The following SYNM variants were observed in gnomAD, a reference collection of about 807,000 sequenced individuals.
SYNM encodes synemin, also known as desmuslin.
SYNM carries 95 observed loss-of-function variants against 104.0 expected under a neutral mutation model. The observed-to-expected ratio is 0.91, with a 90% CI of 0.77 to 1.08. The LOEUF (loss-of-function observed/expected upper bound fraction) is 1.08. SYNM is among the 50% of genes least tolerant of loss of function. SYNM has a pLI of 0.00. For missense variants in SYNM, 2,150 were observed against 2,052.2 expected, an observed-to-expected ratio of 1.05 and a Z score of -0.92; for synonymous variants, 918 against 869.0, an observed-to-expected ratio of 1.06 and a Z score of -0.99.
downstream of SYNM, chr15:99,139,849 G>T: frequency 1.1e-6 from 1 of 922,658 alleles, no homozygotes; most frequent in Non-Finnish European, 1.5e-6. Context: ...CAATGTCTTA[G>T]TTATTAGGAA....
rs541175392 is a variant in SYNM at position 99,106,070 on chromosome 15, C to G, written c.810+61C>G. ...CGCTGCCGTCGCCCCAGCACCCTGCCCTTGACGGCGTGGGGCAGCGGCCCC... is the reference window on the plus strand; with the variant it reads ...CGCTGCCGTCGCCCCAGCACCCTGCGCTTGACGGCGTGGGGCAGCGGCCCC... On this transcript the variant is annotated intron_variant, in intron 1 of 3. Transcript: ENST00000336292. 9 of 1,349,366 alleles carry G rather than the reference C, an allele frequency of 6.7e-6. No individual in the cohort carries two copies. In the African/African-American group the frequency reaches 1.2e-4, roughly 18 times the overall value. The allele number at this position is 1,349,366 out of a possible 1,614,324, so 83.6% of individuals were successfully genotyped here. A position where few individuals can be genotyped will look rare whatever the true frequency, so the allele number is the denominator to read the frequency against.
intron 2 of SYNM, among the ~76,000 whole-genome samples, chr15:99,114,884 G>A (rs782110342): frequency 2.6e-5 from 4 of 152,118 alleles, no homozygotes; most frequent in Non-Finnish European, 2.9e-5. Flanking sequence ...GGTCTGTGAC[G>A]CTTACAGTGG....
chr15:99,133,237 A>T lies in SYNM; in HGVS notation c.*179A>T. 7.6e-7 allele frequency: 1 copy of T among 1,319,620 alleles called. No individual in the cohort carries two copies. The highest frequency in any genetic ancestry group is 1.0e-6 in the Non-Finnish European group (1 of 1,000,782). The allele number at this position is 1,319,620 out of a possible 1,614,324, so 81.7% of individuals were successfully genotyped here. ...GTTAATCCGTAAAGGTTTCCAGTTA[A>T]TTCATGCCTTAAAAGGCACTGCAAT... On this transcript the variant is annotated 3_prime_UTR_variant, in exon 4 of 4. Transcript: ENST00000336292.
At position 99,131,738 on chromosome 15, in the gene SYNM, C is replaced by T. The variant is rs374811600; in HGVS notation, c.3378C>T (p.His1126=). ...VLEDVSQAAR[H]IKLGPSEVWR... is the part of the protein sequence containing the mutation. ...AGGATGTGAGCCAGGCTGCAAGGCA[C>T]ATAAAACTCGGCCCCTCTGAAGTCT... is the stretch of plus-strand genomic sequence containing the variant. Residue 1126 remains histidine, a synonymous_variant, in exon 4 of 4, where the codon CAC becomes CAT. Coordinates refer to ENST00000336292, the MANE Select transcript of SYNM (RefSeq NM_145728.3). This position sits in a 1 kb window ranked among gnomAD's most constrained non-coding sequence, Gnocchi z 4.3. 183 of 1,613,788 alleles carry T rather than the reference C, an allele frequency of 1.1e-4. 1 individual carries two copies. The highest frequency in any genetic ancestry group is 1.4e-4 in the Non-Finnish European group (169 of 1,179,918).
rs1300798347 is a variant in SYNM at position 99,134,420 on chromosome 15, TTC to T, written c.*1364_*1365del. Reference sequence around the variant, plus strand: ...TTACACGTCAGTATTGTTTTAAAGTTTCTGTCTGTAAAGTGTAGCATCATATA... The same window carrying T: ...TTACACGTCAGTATTGTTTTAAAGTTTGTCTGTAAAGTGTAGCATCATATA... On this transcript the variant is annotated 3_prime_UTR_variant, in exon 4 of 4. Coordinates refer to ENST00000336292, the MANE Select transcript of SYNM (RefSeq NM_145728.3). 3 of 152,204 alleles carry T rather than the reference TTC, an allele frequency of 2.0e-5. No homozygotes were observed. Among genetic ancestry groups the T allele is most frequent in the Non-Finnish European group, 4.4e-5 (3 of 68,042 alleles). 9.4% of individuals were successfully genotyped at this position (152,204 alleles called of 1,614,324 possible). A position where few individuals can be genotyped will look rare whatever the true frequency, so the allele number is the denominator to read the frequency against.
rs377167452 is a variant in SYNM at position 99,132,103 on chromosome 15, A to G, written c.3743A>G (p.Asp1248Gly). The G allele has an allele frequency of 6.8e-6, 11 of 1,613,846 alleles. No homozygotes were observed. In the African/African-American group the frequency reaches 8.0e-5, roughly 12 times the overall value. Reference protein sequence around the residue: ...GPISAAGKVGDYFATEESVGT... With the variant: ...GPISAAGKVGGYFATEESVGT... ...ATTTCTGCTGCAGGGAAGGTTGGTG[A>G]TTATTTTGCAACAGAAGAGTCAGTG... Residue 1248 changes from aspartate to glycine, a missense_variant, in exon 4 of 4, where the codon GAT becomes GGT. Transcript: ENST00000336292.
In SYNM at chr15:99,105,620, C is replaced by A. The variant is rs1555482482; in HGVS notation, c.421C>A (p.Arg141Ser). 5 of 1,286,926 alleles carry A rather than the reference C, an allele frequency of 3.9e-6. No individual in the cohort carries two copies. The highest frequency in any genetic ancestry group is 4.9e-6 in the Non-Finnish European group (5 of 1,017,500). The allele number at this position is 1,286,926 out of a possible 1,614,324, so 79.7% of individuals were successfully genotyped here. The part of the protein sequence containing the change: ...EALLGRLQAE[R>S]RGLDAAHERD... ...GCTGCTGGGCCGGCTGCAGGCCGAG[C>A]GCCGAGGCCTCGACGCGGCCCACGA... The change falls in exon 1 of 4, where the codon CGC becomes AGC. Residue 141 changes from arginine (R) to serine (S), a missense_variant. Physicochemically the swap from Arg to Ser is moderately radical, Grantham distance 110. Transcript: ENST00000336292.
chr15:99,140,840 C>G, the SYNM span: 15 of 152,102 alleles, frequency 9.9e-5, no homozygotes, highest in African/African-American at 3.4e-4. Flanking sequence ...TCTTGCAGTG[C>G]ACAGAAATGA....
chr15:99,124,036 TTTGC>T (rs1465524644), intron 2 of SYNM, among the ~76,000 whole-genome samples: 1 of 152,198 alleles, frequency 6.6e-6, no homozygotes, highest in African/African-American at 2.4e-5. Flanking sequence ...TTCTTGCACT[TTTGC>T]TTATTTTCCT....
In SYNM at chr15:99,131,893, C is replaced by G. The variant is rs1555485994; in HGVS notation, c.3533C>G (p.Pro1178Arg). Residue 1178 changes from proline (P) to arginine (R), a missense_variant, in exon 4 of 4, where the codon CCC becomes CGC. Pro to Arg is a moderately radical substitution (Grantham distance 103). Transcript: ENST00000336292. This position sits in a 1 kb window ranked among gnomAD's most constrained non-coding sequence, Gnocchi z 4.3. ...TCTGTGAGGCATGTCACGCTGGGTC[C>G]CGGTCAAAGTCCACTGTCCAGAGAA... ...SRSVRHVTLGPGQSPLSREVI... is the reference protein window; with the variant it reads ...SRSVRHVTLGRGQSPLSREVI... 1 of 1,613,950 alleles carries G rather than the reference C, an allele frequency of 6.2e-7. No homozygotes were observed. The highest frequency in any genetic ancestry group is 2.2e-5 in the East Asian group (1 of 44,874).
intron 2 of SYNM, among the ~76,000 whole-genome samples, chr15:99,123,660 C>A (rs2067422053): frequency 6.6e-6 from 1 of 152,306 alleles, no homozygotes; most frequent in African/African-American, 2.4e-5. Flanking sequence ...AGCTCCGGAG[C>A]CTCCCTTTCT....
At position 99,133,064 on chromosome 15, in the gene SYNM, A is replaced by G; in HGVS notation, c.*6A>G. 2 of 1,612,294 alleles carry G rather than the reference A, an allele frequency of 1.2e-6. No homozygotes were observed. The highest frequency in any genetic ancestry group is 1.7e-6 in the Non-Finnish European group (2 of 1,179,850). ...ATGATGGGCATTGGTTTTAATAAGCAGAAACATTTTGTTTTAATGGCAGCC... is the reference window on the plus strand; with the variant it reads ...ATGATGGGCATTGGTTTTAATAAGCGGAAACATTTTGTTTTAATGGCAGCC... On this transcript the variant is annotated 3_prime_UTR_variant, in exon 4 of 4. Transcript: ENST00000336292.
At chr15:99,128,789 C>G (rs1374202977) in intron 3 of SYNM, 1 of 154,504 alleles carries the variant, frequency 6.5e-6, no homozygotes, top group Non-Finnish European at 1.4e-5. Flanking sequence ...TGCACTGGCT[C>G]CTTTTCAGAT....
At chr15:99,139,052 G>T (rs1228049058), downstream of SYNM, 3 of 499,640 alleles carry the variant, frequency 6.0e-6, no homozygotes, top group Non-Finnish European at 1.1e-5. Context: ...CCTGCAGCAG[G>T]TGCCTTAGCC....
intron 2 of SYNM, among the ~76,000 whole-genome samples, chr15:99,124,651 A>C (rs1226196843): frequency 2.6e-5 from 4 of 152,164 alleles, no homozygotes; most frequent in African/African-American, 9.7e-5. Flanking sequence ...CTCTGGCCTC[A>C]CTGGGAGGCC....
At position 99,131,768 on chromosome 15, in the gene SYNM, G is replaced by A; in HGVS notation, c.3408G>A (p.Arg1136=). 6.2e-7 allele frequency: 1 copy of A among 1,614,014 alleles called. No homozygotes were observed. Among genetic ancestry groups the A allele is most frequent in the Non-Finnish European group, 8.5e-7 (1 of 1,179,908 alleles). ...AACTCGGCCCCTCTGAAGTCTGGAG[G>A]ACTGAGCGAATGTCATATGAAGGAC... The part of the protein sequence containing the change: ...HIKLGPSEVW[R]TERMSYEGPT... Residue 1136 remains arginine, a synonymous_variant, in exon 4 of 4, where the codon AGG becomes AGA. Coordinates refer to ENST00000336292, the MANE Select transcript of SYNM (RefSeq NM_145728.3). This position sits in a 1 kb window ranked among gnomAD's most constrained non-coding sequence, Gnocchi z 4.3.
Position 99,105,472 on chromosome 15 carries a change from G to C in SYNM, c.273G>C (p.Glu91Asp), listed in dbSNP as rs1596112379. 3 of 1,383,270 alleles carry C rather than the reference G, an allele frequency of 2.2e-6. No homozygotes were observed. Among genetic ancestry groups the C allele is most frequent in the African/African-American group, 3.0e-5 (2 of 65,986 alleles). The allele number at this position is 1,383,270 out of a possible 1,614,324, so 85.7% of individuals were successfully genotyped here. ...AEGERDALRR[E>D]LRELQRLDAE... ...GCGAGCGGGACGCTCTGCGGCGCGA[G>C]CTGCGGGAGCTGCAGCGCCTGGATG... The change falls in exon 1 of 4, where the codon GAG (glutamate) becomes GAC (aspartate). Residue 91 changes from glutamate to aspartate, a missense_variant. Glu to Asp is a conservative substitution (Grantham distance 45, BLOSUM62 2). Coordinates refer to ENST00000336292, the MANE Select transcript of SYNM (RefSeq NM_145728.3).
chr15:99,134,210 A>C lies in SYNM; in HGVS notation c.*1152A>C, dbSNP rs2067541219. The stretch of plus-strand genomic sequence containing the variant: ...TTTTGTCCAGGGAAACAGTTTATTA[A>C]ATAGAAGGATGTTTTGGGGAAGGAA... On this transcript the variant is annotated 3_prime_UTR_variant, in exon 4 of 4. Transcript: ENST00000336292. 6.6e-6 allele frequency: 1 copy of C among 151,878 alleles called. No homozygotes were observed. The highest frequency in any genetic ancestry group is 6.5e-5 in the Admixed American group (1 of 15,268). 9.4% of individuals were successfully genotyped at this position (151,878 alleles called of 1,614,324 possible).
rs368624285 is a variant in SYNM at position 99,131,467 on chromosome 15, G to A, written c.3107G>A (p.Arg1036Gln). Residue 1036 changes from arginine (R) to glutamine (Q), a missense_variant, in exon 4 of 4, where the codon CGG becomes CAG. By Grantham distance (43) the Arg-to-Gln change is conservative. Coordinates refer to ENST00000336292, the MANE Select transcript of SYNM (RefSeq NM_145728.3). This position sits in a 1 kb window ranked among gnomAD's most constrained non-coding sequence, Gnocchi z 4.3. The stretch of plus-strand genomic sequence containing the variant: ...GAGAAGGCTGTGGAGTCGGTGGTTC[G>A]GGAGAGCCTGAGCAGGCAACGCAGC... ...EMEKAVESVV[R>Q]ESLSRQRSPA... is the part of the protein sequence containing the mutation. 23 of 1,606,104 alleles carry A rather than the reference G, an allele frequency of 1.4e-5. No homozygotes were observed. The African/African-American group carries it at 2.0e-4, about 14-fold the overall frequency.
Sources: gnomAD v4.1 joint callset for allele counts (sites outside exome capture counted in the v4.1 genomes callset) on GRCh38, gnomAD v4.1.1 for gene constraint, Gnocchi (gnomAD v3.1) non-coding constraint, MANE v1.5 for transcripts, NCBI Gene and HGNC (gene_info 2026-07-23, HGNC 2026-07-21) for gene names.